Variants in MICU1 observed in about 807,000 individuals in gnomAD.
MICU1 encodes mitochondrial calcium uptake 1, also known as calcium uptake protein 1, mitochondrial.
In MICU1, 45 loss-of-function variants were observed where a neutral mutation model predicts 56.8. That is an observed-to-expected ratio of 0.79 (90% CI 0.62 to 1.02). MICU1 has a LOEUF of 1.02. MICU1 is among the 50% of genes least tolerant of loss of function. The pLI, the probability that MICU1 is intolerant of heterozygous loss-of-function variation, is 0.00. For missense variants in MICU1, 504 were observed against 587.1 expected (o/e 0.86, Z 1.46); for synonymous variants, 186 against 195.1 (o/e 0.95, Z 0.39).
chr10:72,545,950 T>A (rs535975462), intron 4 of MICU1, among the ~76,000 whole-genome samples: 1 of 152,310 alleles, frequency 6.6e-6, no homozygotes, highest in Non-Finnish European at 1.5e-5. Flanking sequence ...CAATCTTAAA[T>A]ATCTGTTTTA....
At chr10:72,396,298 C>T (rs1021651867) in intron 10 of MICU1, among the ~76,000 whole-genome samples, 2 of 152,172 alleles carry the variant, frequency 1.3e-5, no homozygotes, top group African/African-American at 4.8e-5. Context: ...ACATCAAAGA[C>T]CAAAGGTAGA....
chr10:72,625,850 GA>G (rs1365423939), intron 1 of MICU1, among the ~76,000 whole-genome samples, 159 bp downstream of exon 1: 1 of 152,214 alleles, frequency 6.6e-6, no homozygotes, highest in African/African-American at 2.4e-5. Context: ...GCATCAGGGA[GA>G]GACAGGTATC....
At chr10:72,479,700 AT>A (rs1420949431) in intron 6 of MICU1, among the ~76,000 whole-genome samples, 1 of 151,862 alleles carries the variant, frequency 6.6e-6, no homozygotes, top group Non-Finnish European at 1.5e-5. Flanking sequence ...TAATTTTTCT[AT>A]GTTTTGTGGA....
At chr10:72,523,320 T>A (rs1234753793) in intron 5 of MICU1, among the ~76,000 whole-genome samples, 1 of 152,230 alleles carries the variant, frequency 6.6e-6, no homozygotes, top group Non-Finnish European at 1.5e-5. Context: ...GTATGATGTT[T>A]GTGCCATGGC....
At chr10:72,447,271 T>C (rs1278713065) in intron 8 of MICU1, among the ~76,000 whole-genome samples, 2 of 152,062 alleles carry the variant, frequency 1.3e-5, no homozygotes, top group Non-Finnish European at 2.9e-5. Context: ...CTCATTTGAG[T>C]CTCATAATAA....
rs191719052 is a variant in MICU1, at chr10:72,585,793, C to T, written c.-1-18999G>A. 2.1e-3 allele frequency among the ~76,000 whole-genome samples: 323 copies of T among 152,074 alleles called. 1 individual carries two copies. Among genetic ancestry groups the T allele is most frequent in the African/African-American group, 7.0e-3 (289 of 41,482 alleles). ...TATCTGCAAGGGATAGGTTCCAGGA[C>T]CCTCATAGACACCAAAATCCCAGAT... On this transcript the variant is annotated intron_variant, in intron 1 of 11. Transcript: ENST00000361114.
At chr10:72,374,284 C>G (rs954380415) in intron 11 of MICU1, among the ~76,000 whole-genome samples, 3 of 152,276 alleles carry the variant, frequency 2.0e-5, no homozygotes, top group African/African-American at 7.2e-5. Context: ...GCTACCATGC[C>G]TGGCTAATTT....
chr10:72,470,812 CAT>C (rs1439787666), intron 8 of MICU1, among the ~76,000 whole-genome samples: 1 of 152,172 alleles, frequency 6.6e-6, no homozygotes, highest in Non-Finnish European at 1.5e-5. Context: ...ACACTTACTA[CAT>C]GTTAGGCTGC....
At chr10:72,551,773 G>T (rs1840041633) in intron 3 of MICU1, among the ~76,000 whole-genome samples, 1 of 151,970 alleles carries the variant, frequency 6.6e-6, no homozygotes, top group Admixed American at 6.6e-5. Flanking sequence ...CTTCCCAGAA[G>T]AATTTTTTTA....
At chr10:72,500,670 C>T (rs1273949616) in intron 6 of MICU1, among the ~76,000 whole-genome samples, 1 of 152,008 alleles carries the variant, frequency 6.6e-6, no homozygotes, top group Non-Finnish European at 1.5e-5. Flanking sequence ...GAATTGTTTT[C>T]ATGTTATTAG....
At chr10:72,419,605 A>G (rs948761404) in intron 9 of MICU1, among the ~76,000 whole-genome samples, 4 of 152,246 alleles carry the variant, frequency 2.6e-5, no homozygotes, top group Admixed American at 2.0e-4. Flanking sequence ...TGCATGCAAC[A>G]TTTCTTGCAC....
At chr10:72,531,983 C>T (rs1839499733) in intron 5 of MICU1, among the ~76,000 whole-genome samples, 1 of 150,516 alleles carries the variant, frequency 6.6e-6, no homozygotes, top group African/African-American at 2.4e-5. Context: ...TCACTGCAAC[C>T]TCTGCCTCCT....
At chr10:72,581,239 G>A (rs982662044) in intron 1 of MICU1, among the ~76,000 whole-genome samples, 2 of 152,120 alleles carry the variant, frequency 1.3e-5, no homozygotes, top group African/African-American at 2.4e-5. Context: ...TGCAAAGGGC[G>A]TATATTATCA....
intron 6 of MICU1, among the ~76,000 whole-genome samples, chr10:72,488,712 G>A (rs1426048111): frequency 6.6e-6 from 1 of 152,074 alleles, no homozygotes; most frequent in Non-Finnish European, 1.5e-5. Flanking sequence ...TTGACAAGCT[G>A]CACCAGCATC....
At chr10:72,567,166 T>C (rs2132476710) in intron 1 of MICU1, among the ~76,000 whole-genome samples, 1 of 151,924 alleles carries the variant, frequency 6.6e-6, no homozygotes. Context: ...CTGGACAACA[T>C]AGTAGGACCC....
intron 6 of MICU1, among the ~76,000 whole-genome samples, chr10:72,496,272 G>C (rs7082088): frequency 2.0e-5 from 3 of 150,742 alleles, no homozygotes; most frequent in African/African-American, 7.3e-5. Context: ...GGATAATATA[G>C]GCATGTGCCA....
intron 10 of MICU1, among the ~76,000 whole-genome samples, chr10:72,393,948 T>A (rs972645184): frequency 1.9e-4 from 29 of 152,118 alleles, no homozygotes; most frequent in Non-Finnish European, 5.9e-5. Flanking sequence ...TTTGTATTTT[T>A]AGTAGAGACA....
At chr10:72,570,582 T>C (rs1035947379) in intron 1 of MICU1, among the ~76,000 whole-genome samples, 1 of 152,186 alleles carries the variant, frequency 6.6e-6, no homozygotes, top group African/African-American at 2.4e-5. Flanking sequence ...TATTAACTCT[T>C]CCCTGGGACC....
intron 6 of MICU1, among the ~76,000 whole-genome samples, chr10:72,478,021 A>G (rs1375286517): frequency 6.6e-6 from 1 of 152,002 alleles, no homozygotes; most frequent in Non-Finnish European, 1.5e-5. Context: ...GGCATGTACA[A>G]CCATGCCTGG....
Sources: allele counts gnomAD v4.1 joint callset (sites outside exome capture counted in the v4.1 genomes callset), GRCh38; gene constraint gnomAD v4.1.1; transcripts MANE v1.5; gene names NCBI Gene and HGNC (gene_info 2026-07-23, HGNC 2026-07-21).